Variants in CTNNA2 observed in about 807,000 individuals in gnomAD.
The protein encoded by CTNNA2 is catenin alpha 2.
A neutral mutation model predicts 101.0 loss-of-function variants in CTNNA2; 42 were observed. The ratio of observed to expected loss-of-function variants is 0.42; its 90% confidence interval spans 0.32 to 0.54. The LOEUF is 0.54. Ranked by LOEUF, CTNNA2 falls within the 20% of genes least tolerant of loss-of-function variation. The pLI, the probability that CTNNA2 is intolerant of heterozygous loss-of-function variation, is 0.14. For synonymous variants in CTNNA2, 450 were observed against 456.4 expected, an observed-to-expected ratio of 0.99 and a Z score of 0.18; for missense variants, 871 against 1,223.1, an observed-to-expected ratio of 0.71 and a Z score of 4.29.
intron 2 of CTNNA2, among the ~76,000 whole-genome samples, chr2:79,278,271 G>A (rs1236822463): frequency 6.6e-6 from 1 of 152,106 alleles, no homozygotes; most frequent in Non-Finnish European, 1.5e-5. Flanking sequence ...GACACTATTG[G>A]CAATTACCAA....
At chr2:79,649,015 G>T (rs1681029019) in intron 1 of CTNNA2, among the ~76,000 whole-genome samples, 1 of 152,100 alleles carries the variant, frequency 6.6e-6, no homozygotes, top group Admixed American at 6.6e-5. Flanking sequence ...GGGAACTATT[G>T]TTCTTTTATT....
intron 3 of CTNNA2, among the ~76,000 whole-genome samples, chr2:79,795,331 G>T (rs1354355612): frequency 6.6e-6 from 1 of 151,794 alleles, no homozygotes; most frequent in African/African-American, 2.4e-5. Context: ...TGTCTTAAAA[G>T]ATTTAAAAAT....
At chr2:80,478,127 C>T (rs1043662332) in intron 9 of CTNNA2, among the ~76,000 whole-genome samples, 20 of 152,212 alleles carry the variant, frequency 1.3e-4, no homozygotes, top group Non-Finnish European at 1.5e-4. Flanking sequence ...TTTTAATTAG[C>T]ATTTTCCAGA....
In CTNNA2 at chr2:79,976,840, T is replaced by C. The variant is rs79972141; in HGVS notation, c.1056+67043T>C. Among the ~76,000 whole-genome samples the C allele has an allele frequency of 1.6e-4, 24 of 152,280 alleles. 1 individual carries two copies. In the East Asian group the frequency reaches 4.5e-3, roughly 28 times the overall value. ...GCCACGATAATGCAGAGAACAGCAA[T>C]CATACTTGCCCTCTTAAAGAAAAAG... is the stretch of plus-strand genomic sequence containing the variant. On this transcript the variant is annotated intron_variant, in intron 7 of 18. Coordinates refer to ENST00000402739, the MANE Select transcript of CTNNA2 (RefSeq NM_001282597.3).
At chr2:80,124,028 A>T (rs1009095381) in intron 7 of CTNNA2, among the ~76,000 whole-genome samples, 14 of 152,158 alleles carry the variant, frequency 9.2e-5, no homozygotes, top group African/African-American at 3.4e-4. Context: ...AATAGGCTAG[A>T]AAGGCAAGGA....
chr2:80,442,128 TG>T (rs1682644746), intron 9 of CTNNA2, among the ~76,000 whole-genome samples: 1 of 152,260 alleles, frequency 6.6e-6, no homozygotes, highest in African/African-American at 2.4e-5. Context: ...GGTCTTCACA[TG>T]GGCCATCCTT....
chr2:79,950,930 G>A (rs1163152070), intron 7 of CTNNA2, among the ~76,000 whole-genome samples: 3 of 152,080 alleles, frequency 2.0e-5, no homozygotes, highest in Admixed American at 1.3e-4. Flanking sequence ...CTAAAAGTTT[G>A]AAATCTCTAA....
chr2:80,403,976 A>G (rs1678820345), intron 8 of CTNNA2, among the ~76,000 whole-genome samples: 2 of 152,204 alleles, frequency 1.3e-5, no homozygotes. Flanking sequence ...GTGGTAGTGG[A>G]TAAACTTTTT....
Position 80,647,789 on chromosome 2 carries a change from A to G in CTNNA2, c.2779A>G (p.Thr927Ala). The G allele has an allele frequency of 6.2e-7, 1 of 1,613,668 alleles. No individual in the cohort carries two copies. The highest frequency in any genetic ancestry group is 8.5e-7 in the Non-Finnish European group (1 of 1,179,626). Reference protein sequence around the residue: ...VKREKPEEFQTRVRRGSQKKH... With the variant: ...VKREKPEEFQARVRRGSQKKH... The stretch of plus-strand genomic sequence containing the variant: ...GAGAGAAAAGCCTGAAGAATTCCAG[A>G]CACGAGTTCGACGAGGTTCTCAGAA... Residue 927 changes from threonine (T) to alanine (A), a missense_variant, in exon 19 of 19, where the codon ACA becomes GCA. Coordinates refer to ENST00000402739, the MANE Select transcript of CTNNA2 (RefSeq NM_001282597.3).
At chr2:79,385,231 G>GTAT (rs1173749261) in intron 4 of CTNNA2, among the ~76,000 whole-genome samples, 2 of 152,112 alleles carry the variant, frequency 1.3e-5, no homozygotes, top group Non-Finnish European at 2.9e-5. Flanking sequence ...TTCTTCATGA[G>GTAT]TATTAGCAGG....
intron 3 of CTNNA2, among the ~76,000 whole-genome samples, chr2:79,354,284 T>C (rs1290516978): frequency 6.6e-6 from 1 of 152,324 alleles, no homozygotes; most frequent in East Asian, 1.9e-4. Flanking sequence ...AACTTGCTTA[T>C]TCTCTCTCCA....
chr2:79,657,685 C>T (rs1681712870), intron 2 of CTNNA2, among the ~76,000 whole-genome samples: 1 of 151,048 alleles, frequency 6.6e-6, no homozygotes, highest in East Asian at 1.9e-4. Context: ...AAAAAGAAAC[C>T]TACCTAAGCT....
chr2:79,913,533 G>T (rs1023648189), intron 7 of CTNNA2, among the ~76,000 whole-genome samples: 1 of 152,152 alleles, frequency 6.6e-6, no homozygotes, highest in African/African-American at 2.4e-5. Context: ...AAAATGCCAT[G>T]ATTCAGGTGC....
chr2:79,250,566 A>T (rs1674757828), intron 2 of CTNNA2, among the ~76,000 whole-genome samples: 1 of 152,194 alleles, frequency 6.6e-6, no homozygotes. Flanking sequence ...TGAGCGAGAC[A>T]GGTAGCTTTT....
chr2:79,927,381 G>C (rs543206967), intron 7 of CTNNA2, among the ~76,000 whole-genome samples: 5 of 152,174 alleles, frequency 3.3e-5, no homozygotes, highest in African/African-American at 1.2e-4. Flanking sequence ...GGAGATAAGA[G>C]GCCATAGAGA....
At chr2:80,209,449 C>T (rs1269675252) in intron 7 of CTNNA2, among the ~76,000 whole-genome samples, 1 of 152,042 alleles carries the variant, frequency 6.6e-6, no homozygotes, top group African/African-American at 2.4e-5. Context: ...CCTCGGCCTC[C>T]CAAAGTGCTG....
At chr2:80,375,060 CAG>C (rs1157156242) in intron 7 of CTNNA2, among the ~76,000 whole-genome samples, 1 of 152,140 alleles carries the variant, frequency 6.6e-6, no homozygotes, top group African/African-American at 2.4e-5. Flanking sequence ...CAGGCGAGCA[CAG>C]ATGGAAGCCT....
rs12613434 is a variant in CTNNA2 at position 79,402,044 on chromosome 2, C to T, written c.-135+28031C>T. On this transcript the variant is annotated intron_variant, in intron 4 of 21. Coordinates refer to the CTNNA2 transcript ENST00000466387. Reference sequence around the variant, plus strand: ...ACATCAGACAAAATATACTTTAAGACAAATTGTTACTAGAGGCAAAAAAGA... The same window carrying T: ...ACATCAGACAAAATATACTTTAAGATAAATTGTTACTAGAGGCAAAAAAGA... Among the ~76,000 whole-genome samples, 1,477 of 151,528 alleles carry T rather than the reference C, an allele frequency of 9.7e-3. 43 individuals are homozygous for T. In the East Asian group the frequency reaches 0.1, roughly 10 times the overall value.
intron 9 of CTNNA2, among the ~76,000 whole-genome samples, chr2:80,438,093 G>GGGATC (rs1682202313): frequency 6.6e-6 from 1 of 152,178 alleles, no homozygotes; most frequent in African/African-American, 2.4e-5. Context: ...CTGGAAACAA[G>GGGATC]GGATCCAAGA....
Sources: gnomAD v4.1 joint callset for allele counts (sites outside exome capture counted in the v4.1 genomes callset) on GRCh38, gnomAD v4.1.1 for gene constraint, MANE v1.5 for transcripts, NCBI Gene and HGNC (gene_info 2026-07-23, HGNC 2026-07-21) for gene names.